ZFP62: variants seen among roughly 807,000 people sequenced by gnomAD.
ZFP62 encodes zinc finger protein 62 homolog.
Under a neutral mutation model 56.4 loss-of-function variants are expected in ZFP62, and 44 were observed. The observed-to-expected ratio is 0.78, with a 90% CI of 0.61 to 1.00. The LOEUF (loss-of-function observed/expected upper bound fraction) is 1.00, where lower values mean the gene tolerates loss of function less well. Among genes scored for constraint, ZFP62 ranks in the 50% least tolerant of loss-of-function variants. The pLI, the probability that ZFP62 is intolerant of heterozygous loss-of-function variation, is 0.00. For missense variants in ZFP62, 1,030 were observed against 1,085.7 expected (o/e 0.95, Z 0.72); for synonymous variants, 421 against 388.9 (o/e 1.08, Z -0.97).
At chr5:180,846,084 C>G (rs1773405571), downstream of ZFP62, among the ~76,000 whole-genome samples, 1 of 152,192 alleles carries the variant, frequency 6.6e-6, no homozygotes, top group Admixed American at 6.5e-5. Flanking sequence ...AACCATGTTC[C>G]ATCCCTGGTC....
chr5:180,832,757 T>G, the ZFP62 span: 6 of 152,204 alleles, frequency 3.9e-5, no homozygotes, highest in Non-Finnish European at 8.8e-5. Context: ...ACACAGAATC[T>G]GCATCACCCA....
the ZFP62 span, among the ~76,000 whole-genome samples, chr5:180,828,206 G>A: frequency 6.6e-6 from 1 of 152,198 alleles, no homozygotes; most frequent in African/African-American, 2.4e-5. Flanking sequence ...AACACCCACA[G>A]GTGTGGAGGG....
chr5:180,827,265 G>A, the ZFP62 span, among the ~76,000 whole-genome samples: 2 of 152,312 alleles, frequency 1.3e-5, no homozygotes, highest in East Asian at 1.9e-4. Context: ...AGCTGGGCAC[G>A]TGCTGTGGGG....
chr5:180,858,981 T>G (rs1044830202), intron 1 of ZFP62, among the ~76,000 whole-genome samples: 3 of 152,184 alleles, frequency 2.0e-5, no homozygotes, highest in Non-Finnish European at 2.9e-5. Flanking sequence ...CTTCCGAGCT[T>G]CTTGTTCATG....
rs1773530914 is a variant in ZFP62 at position 180,849,036 on chromosome 5, G to A, written c.2459C>T (p.Ser820Phe). The A allele has an allele frequency of 1.9e-6, 3 of 1,552,040 alleles. No individual in the cohort carries two copies. The highest frequency in any genetic ancestry group is 2.6e-6 in the Non-Finnish European group (3 of 1,147,108). Residue 820 changes from serine (S) to phenylalanine (F), a missense_variant, in exon 2 of 2, where the codon TCC (serine) becomes TTC (phenylalanine). Physicochemically the swap from Ser to Phe is radical, Grantham distance 155. Transcript: ENST00000502412. ...KQPYNCECGK[S>F]FNYRSVLDQH... ...GTCAAGGACTGATCTATAATTGAAG[G>A]ATTTCCCACACTCACAATTATAGGG... is the stretch of plus-strand genomic sequence containing the variant.
Position 180,849,503 on chromosome 5 carries a change from T to G in ZFP62, c.1992A>C (p.Lys664Asn). The change falls in exon 2 of 2, where the codon AAA (lysine) becomes AAC (asparagine). Residue 664 changes from lysine to asparagine, a missense_variant. Coordinates refer to ENST00000502412, the MANE Select transcript of ZFP62 (RefSeq NM_001172638.2). The part of the protein sequence containing the change: ...FRNNSSLKVH[K>N]RIHTGERPYE... ...AGGGCCTCTCCCCAGTATGGATTCT[T>G]TTATGAACTTTAAGGCTTGAGTTGT... 1.3e-6 allele frequency: 2 copies of G among 1,552,174 alleles called. No homozygotes were observed. Among genetic ancestry groups the G allele is most frequent in the Non-Finnish European group, 1.7e-6 (2 of 1,147,116 alleles).
intron 1 of ZFP62, among the ~76,000 whole-genome samples, chr5:180,855,398 A>C (rs1161991111): frequency 1.3e-5 from 2 of 151,948 alleles, no homozygotes; most frequent in Non-Finnish European, 2.9e-5. Flanking sequence ...CACTCCTCTC[A>C]TGCCTCATTT....
At chr5:180,840,174 T>C in the ZFP62 span, among the ~76,000 whole-genome samples, 43 of 152,364 alleles carry the variant, frequency 2.8e-4, no homozygotes, top group African/African-American at 9.6e-4. Context: ...GTTTGTCCAC[T>C]GTCCCATGTG....
downstream of ZFP62, among the ~76,000 whole-genome samples, chr5:180,846,227 C>G (rs992210090): frequency 1.3e-5 from 2 of 152,084 alleles, no homozygotes; most frequent in Admixed American, 6.6e-5. Flanking sequence ...CTGGAGCATG[C>G]GAGTAGATGG....
the ZFP62 span, chr5:180,830,067 C>A: frequency 6.6e-6 from 1 of 152,226 alleles, no homozygotes; most frequent in Admixed American, 6.5e-5. Flanking sequence ...CCAAGACCCC[C>A]TCACCCTGCC....
chr5:180,839,836 C>T, the ZFP62 span, among the ~76,000 whole-genome samples: 1 of 152,184 alleles, frequency 6.6e-6, no homozygotes, highest in Non-Finnish European at 1.5e-5. Flanking sequence ...GCCTCCTACC[C>T]CCTTAAGAAC....
downstream of ZFP62, among the ~76,000 whole-genome samples, chr5:180,846,819 G>C (rs1341247705): frequency 4.6e-5 from 7 of 152,160 alleles, no homozygotes; most frequent in Admixed American, 1.3e-4. Flanking sequence ...CCTGGGACAG[G>C]GACAGTGCCT....
chr5:180,843,605 A>C (rs944165997), downstream of ZFP62, among the ~76,000 whole-genome samples: 5 of 152,332 alleles, frequency 3.3e-5, no homozygotes, highest in Non-Finnish European at 7.4e-5. Flanking sequence ...TACTTCATAA[A>C]ATTTCAATTC....
At chr5:180,840,654 G>GCTAA in the ZFP62 span, among the ~76,000 whole-genome samples, 1 of 152,040 alleles carries the variant, frequency 6.6e-6, no homozygotes, top group African/African-American at 2.4e-5. Context: ...TACTCAGGAG[G>GCTAA]CTAAGGCAGG....
chr5:180,855,782 A>G (rs758699786), intron 1 of ZFP62, among the ~76,000 whole-genome samples: 1 of 152,066 alleles, frequency 6.6e-6, no homozygotes, highest in Non-Finnish European at 1.5e-5. Context: ...CCTTAGTTTG[A>G]GCCTTCTAAA....
the ZFP62 span, among the ~76,000 whole-genome samples, chr5:180,839,670 A>G: frequency 6.6e-6 from 1 of 152,166 alleles, no homozygotes; most frequent in Non-Finnish European, 1.5e-5. Flanking sequence ...TACTATGCTT[A>G]TTACCTGGGT....
chr5:180,856,750 C>T (rs866436724), intron 1 of ZFP62, among the ~76,000 whole-genome samples: 12 of 150,286 alleles, frequency 8.0e-5, no homozygotes, highest in African/African-American at 2.0e-4. Context: ...ATCAGGAGAT[C>T]GAGACCATCC....
At chr5:180,852,552 C>T (rs1773767598) in intron 1 of ZFP62, among the ~76,000 whole-genome samples, 2 of 54,776 alleles carry the variant, frequency 3.7e-5, no homozygotes, top group African/African-American at 1.1e-4. Flanking sequence ...GACTCCGTCT[C>T]ACAAAAAAAA....
At chr5:180,859,237 G>A (rs777406532) in intron 1 of ZFP62, among the ~76,000 whole-genome samples, 1 of 152,152 alleles carries the variant, frequency 6.6e-6, no homozygotes, top group African/African-American at 2.4e-5. Context: ...CAAGGTTCAC[G>A]CGTGGATTCT....
Sources: gnomAD v4.1 joint callset for allele counts (sites outside exome capture counted in the v4.1 genomes callset) on GRCh38, gnomAD v4.1.1 for gene constraint, MANE v1.5 for transcripts, NCBI Gene and HGNC (gene_info 2026-07-23, HGNC 2026-07-21) for gene names.